ZFPM2: variants seen among roughly 807,000 people sequenced by gnomAD.
ZFPM2 encodes zinc finger protein, FOG family member 2.
In ZFPM2, 20 loss-of-function variants were observed where a neutral mutation model predicts 98.6. The ratio of observed to expected loss-of-function variants is 0.20; its 90% CI spans 0.14 to 0.29. The LOEUF is 0.29. Ranked by LOEUF, ZFPM2 falls within the 10% of genes least tolerant of loss-of-function variation. The pLI is 1.00. For synonymous variants in ZFPM2, 518 were observed against 502.7 expected, an observed-to-expected ratio of 1.03 and a Z score of -0.41; for missense variants, 1,310 against 1,388.6, an observed-to-expected ratio of 0.94 and a Z score of 0.90.
rs116953860 is a variant in ZFPM2 at position 105,622,259 on chromosome 8, T to A, written c.421-11987T>A. Among the ~76,000 whole-genome samples the A allele has an allele frequency of 1.6e-4, 25 of 152,276 alleles. No homozygotes were observed. In the East Asian group the frequency reaches 4.8e-3, roughly 29 times the overall value. ...ATTTTTAATTGATCAGTTTGTCATG[T>A]TAGCATTATTTACAAATCCTTTCCA... On this transcript the variant is annotated intron_variant, in intron 4 of 7. Transcript: ENST00000407775.
At chr8:105,545,565 A>G (rs529320624) in intron 3 of ZFPM2, among the ~76,000 whole-genome samples, 1 of 152,320 alleles carries the variant, frequency 6.6e-6, no homozygotes, top group East Asian at 1.9e-4. Context: ...GATTGTGCTA[A>G]TTAATAAAGA....
At chr8:105,764,775 A>G (rs1180052595) in intron 5 of ZFPM2, among the ~76,000 whole-genome samples, 1 of 151,724 alleles carries the variant, frequency 6.6e-6, no homozygotes, top group African/African-American at 2.4e-5. Flanking sequence ...GATGTAATGT[A>G]CTGAAATACA....
intron 1 of ZFPM2, among the ~76,000 whole-genome samples, chr8:105,336,246 C>T (rs748276493): frequency 4.2e-4 from 64 of 151,522 alleles, no homozygotes; most frequent in Non-Finnish European, 6.9e-4. Context: ...TTTGTAAAGA[C>T]GAGGTTATTA....
intron 1 of ZFPM2, among the ~76,000 whole-genome samples, chr8:105,332,957 T>A (rs759150042): frequency 6.6e-6 from 1 of 151,746 alleles, no homozygotes; most frequent in African/African-American, 2.4e-5. Context: ...TTGTGTGCCA[T>A]GTTGAAGAAT....
intron 4 of ZFPM2, among the ~76,000 whole-genome samples, chr8:105,589,977 C>T (rs1815807182): frequency 1.3e-5 from 2 of 152,102 alleles, no homozygotes; most frequent in African/African-American, 4.8e-5. Context: ...TGCCTCAGCC[C>T]CCAGAGTGCT....
chr8:105,330,583 T>TATATATATATACATATATATATAC (rs1812202992), intron 1 of ZFPM2, among the ~76,000 whole-genome samples: 4 of 42,266 alleles, frequency 9.5e-5, no homozygotes, highest in African/African-American at 3.9e-4. Context: ...TATATATACA[T>TATATATATATACATATATATATAC]ATATATATAT....
intron 1 of ZFPM2, among the ~76,000 whole-genome samples, chr8:105,329,692 G>T (rs1396399136): frequency 6.6e-6 from 1 of 151,650 alleles, no homozygotes; most frequent in Non-Finnish European, 1.5e-5. Context: ...CAGTCCAGCT[G>T]CTTGGGAATT....
intron 5 of ZFPM2, among the ~76,000 whole-genome samples, chr8:105,719,210 A>G (rs1195750081): frequency 6.6e-6 from 1 of 151,996 alleles, no homozygotes; most frequent in Non-Finnish European, 1.5e-5. Context: ...CAGTATCATC[A>G]TCATCCTAAT....
At chr8:105,627,886 C>G in intron 4 of ZFPM2, among the ~76,000 whole-genome samples, 1 of 152,210 alleles carries the variant, frequency 6.6e-6, no homozygotes, top group East Asian at 1.9e-4. Flanking sequence ...TTGGAACTAA[C>G]TGATCAGTAG....
chr8:105,588,238 G>A (rs532406176), intron 4 of ZFPM2, among the ~76,000 whole-genome samples: 41 of 151,948 alleles, frequency 2.7e-4, no homozygotes, highest in African/African-American at 9.4e-4. Context: ...TACATATATC[G>A]GGCAGAGACA....
intron 5 of ZFPM2, among the ~76,000 whole-genome samples, chr8:105,704,769 G>A (rs2130963364): frequency 6.6e-6 from 1 of 152,230 alleles, no homozygotes; most frequent in African/African-American, 2.4e-5. Flanking sequence ...AGGGAAAGTG[G>A]ACTACAGTTC....
chr8:105,650,928 T>C (rs1817157960), intron 5 of ZFPM2, among the ~76,000 whole-genome samples: 1 of 152,110 alleles, frequency 6.6e-6, no homozygotes, highest in Non-Finnish European at 1.5e-5. Flanking sequence ...ATCCTTTTCT[T>C]ATGCAAGCTT....
chr8:105,791,573 C>T (rs992560262), intron 6 of ZFPM2, among the ~76,000 whole-genome samples: 9 of 152,066 alleles, frequency 5.9e-5, no homozygotes, highest in East Asian at 1.9e-4. Flanking sequence ...TATCTCTGCC[C>T]GGCTTTGGTA....
chr8:105,503,568 C>T (rs1402482833), intron 3 of ZFPM2, among the ~76,000 whole-genome samples: 1 of 152,148 alleles, frequency 6.6e-6, no homozygotes, highest in South Asian at 2.1e-4. Flanking sequence ...TGGGAACAGA[C>T]TCCAAAATAT....
chr8:105,653,656 A>G (rs1398525812), intron 5 of ZFPM2, among the ~76,000 whole-genome samples: 1 of 152,184 alleles, frequency 6.6e-6, no homozygotes, highest in African/African-American at 2.4e-5. Flanking sequence ...TGTGATTTTA[A>G]CAGAAAAGGT....
chr8:105,697,068 A>C (rs1416256712), intron 5 of ZFPM2, among the ~76,000 whole-genome samples: 1 of 152,212 alleles, frequency 6.6e-6, no homozygotes. Flanking sequence ...CTGTGAACAC[A>C]TGATTATCTG....
rs116764790 is a variant in ZFPM2 at position 105,759,519 on chromosome 8, C to T, written c.533-29199C>T. ...TAATGATTTTTCTACTCCCCTAAAA[C>T]TCTTACAGCAAGTGATGTCATGTGA... On this transcript the variant is annotated intron_variant, in intron 5 of 7. Transcript: ENST00000407775. Among the ~76,000 whole-genome samples, 1,495 of 151,992 alleles carry T rather than the reference C, an allele frequency of 9.8e-3. 31 individuals carry two copies. The highest frequency in any genetic ancestry group is 0.034 in the African/African-American group (1,400 of 41,470).
intron 5 of ZFPM2, chr8:105,684,814 C>A (rs555351443): frequency 1.3e-5 from 2 of 152,126 alleles, no homozygotes; most frequent in African/African-American, 2.4e-5. Flanking sequence ...TGTCCCAGTA[C>A]GTGGTAGGAC....
At chr8:105,572,504 G>C (rs1210654006) in intron 4 of ZFPM2, among the ~76,000 whole-genome samples, 2 of 151,622 alleles carry the variant, frequency 1.3e-5, no homozygotes, top group Non-Finnish European at 2.9e-5. Context: ...TTTTGCTGTT[G>C]TTCCCCAGGC....
Sources: allele counts gnomAD v4.1 joint callset (sites outside exome capture counted in the v4.1 genomes callset), GRCh38; gene constraint gnomAD v4.1.1; transcripts MANE v1.5; gene names NCBI Gene and HGNC (gene_info 2026-07-23, HGNC 2026-07-21).